Variants in LIMCH1 observed in about 807,000 individuals in gnomAD.
LIMCH1 encodes LIM and calponin homology domains 1, also known as LIM and calponin homology domains-containing protein 1.
LIMCH1 carries 113 observed loss-of-function variants against 176.5 expected under a neutral mutation model. That is an observed-to-expected ratio of 0.64 (90% CI 0.55 to 0.75). The LOEUF (loss-of-function observed/expected upper bound fraction) is 0.75, where lower values mean the gene tolerates loss of function less well. Among genes scored for constraint, LIMCH1 ranks in the 30% least tolerant of loss-of-function variants. The pLI, the probability that LIMCH1 is intolerant of heterozygous loss-of-function variation, is 0.00. For synonymous variants in LIMCH1, 619 were observed against 645.9 expected (o/e 0.96, Z 0.63); for missense variants, 1,674 against 1,814.9 (o/e 0.92, Z 1.41).
At chr4:41,541,031 G>T (rs1472957298) in intron 1 of LIMCH1, among the ~76,000 whole-genome samples, 1 of 152,196 alleles carries the variant, frequency 6.6e-6, no homozygotes, top group East Asian at 1.9e-4. Flanking sequence ...AGTAGGGAGA[G>T]ATTTGTGTGT....
intron 1 of LIMCH1, among the ~76,000 whole-genome samples, chr4:41,438,833 G>A (rs1052418787): frequency 3.3e-5 from 5 of 152,164 alleles, no homozygotes; most frequent in Admixed American, 1.3e-4. Context: ...TTTACATCTT[G>A]CTCAGCAAGA....
intron 1 of LIMCH1, among the ~76,000 whole-genome samples, chr4:41,366,135 A>G (rs1028383027): frequency 3.3e-5 from 5 of 152,222 alleles, no homozygotes; most frequent in African/African-American, 4.8e-5. Context: ...GCTTAAAAGC[A>G]TCATAGTTGG....
At chr4:41,695,289 T>G (rs1689421976) in intron 31 of LIMCH1, among the ~76,000 whole-genome samples, 1 of 151,380 alleles carries the variant, frequency 6.6e-6, no homozygotes, top group South Asian at 2.1e-4. Flanking sequence ...TCATTTAAAG[T>G]GTATAAATAA....
At chr4:41,541,341 C>G (rs181931956) in intron 1 of LIMCH1, among the ~76,000 whole-genome samples, 42 of 152,294 alleles carry the variant, frequency 2.8e-4, no homozygotes, top group African/African-American at 9.6e-4. Context: ...CTTTTCAGCT[C>G]TGGGTACTGC....
Position 41,646,560 on chromosome 4 carries a change from A to G in LIMCH1, c.2487A>G (p.Gln829=), listed in dbSNP as rs760114975. The part of the protein sequence containing the change: ...RSQEEAEGIL[Q]QYIERFTISE... ...AGGAGGAGGCAGAGGGGATCCTTCAACAGTACATTGAGAGGTTCACCATCA... is the reference window on the plus strand; with the variant it reads ...AGGAGGAGGCAGAGGGGATCCTTCAGCAGTACATTGAGAGGTTCACCATCA... The change falls in exon 17 of 32, where the codon CAA becomes CAG. Residue 829 remains glutamine, a synonymous_variant. Transcript: ENST00000503057. The G allele has an allele frequency of 1.2e-6, 2 of 1,614,196 alleles. No individual in the cohort carries two copies. The highest frequency in any genetic ancestry group is 1.1e-5 in the South Asian group (1 of 91,078).
At position 41,671,280 on chromosome 4, in the gene LIMCH1, G is replaced by T. The variant is rs1394745403; in HGVS notation, c.3398-274G>T. Among the ~76,000 whole-genome samples, 6 of 152,032 alleles carry T rather than the reference G, an allele frequency of 3.9e-5. No individual in the cohort carries two copies. The East Asian group carries it at 1.2e-3, about 29-fold the overall frequency. On this transcript the variant is annotated intron_variant, in intron 21 of 31. Transcript: ENST00000503057. ...TTTGCTTCCTGTAGTCTAGTACCTG[G>T]TGTTAATTGATGTGATCAATCATTT...
chr4:41,629,636 T>C lies in LIMCH1; in HGVS notation c.1173T>C (p.Leu391=), dbSNP rs1585060810. The C allele has an allele frequency of 3.3e-6, 5 of 1,536,020 alleles. No homozygotes were observed. In the East Asian group the frequency reaches 1.2e-4, roughly 38 times the overall value. The change falls in exon 9 of 32, where the codon CTT becomes CTC. Residue 391 remains leucine, a synonymous_variant. Coordinates refer to ENST00000503057, the MANE Select transcript of LIMCH1 (RefSeq NM_001330672.2). ...CCCAGCAGAGAATTCAGGGCAGCCTTGCCCCTCACCGCGAGCCCCCGAGCT... is the reference window on the plus strand; with the variant it reads ...CCCAGCAGAGAATTCAGGGCAGCCTCGCCCCTCACCGCGAGCCCCCGAGCT... ...DLAQQRIQGS[L]APHREPPSFI...
intron 1 of LIMCH1, among the ~76,000 whole-genome samples, chr4:41,405,540 G>T (rs368382467): frequency 1.6e-4 from 24 of 152,138 alleles, no homozygotes; most frequent in Admixed American, 4.6e-4. Context: ...TTATAATGTG[G>T]TTCTGCAGTT....
rs1035138768 is a variant in LIMCH1 at position 41,472,999 on chromosome 4, C to T, written c.97-21537C>T. On this transcript the variant is annotated intron_variant, in intron 1 of 26. Transcript: ENST00000313860. ...GTAAGCCTTTTTTTTTTTTTCTCCT[C>T]GGTAGGCCAGAGAATAAATGCGAAG... The T allele has an allele frequency of 2.2e-4, 220 of 979,038 alleles. 1 individual carries two copies. Among genetic ancestry groups the T allele is most frequent in the South Asian group, 4.3e-4 (9 of 21,080 alleles). The allele number at this position is 979,038 out of a possible 1,614,324, so 60.6% of individuals were successfully genotyped here.
chr4:41,597,277 T>C (rs1393934694), intron 1 of LIMCH1, among the ~76,000 whole-genome samples: 1 of 152,188 alleles, frequency 6.6e-6, no homozygotes, highest in African/African-American at 2.4e-5. Flanking sequence ...TTAATTGTTC[T>C]GTGCCTTAGA....
intron 1 of LIMCH1, among the ~76,000 whole-genome samples, chr4:41,400,125 G>A (rs1000521713): frequency 3.3e-5 from 5 of 151,614 alleles, no homozygotes; most frequent in South Asian, 4.2e-4. Context: ...TGCCCCTAAC[G>A]GCTATCCTAT....
chr4:41,360,033 G>A (rs2051796705), upstream of LIMCH1, among the ~76,000 whole-genome samples: 2 of 148,692 alleles, frequency 1.3e-5, no homozygotes, highest in African/African-American at 2.6e-5. This position sits in a 1 kb window ranked among gnomAD's most constrained non-coding sequence, Gnocchi z 4.5. Flanking sequence ...TAGGGTGTGT[G>A]TGTGTGTGTG....
At chr4:41,483,504 A>T (rs2154168752) in intron 1 of LIMCH1, among the ~76,000 whole-genome samples, 1 of 151,684 alleles carries the variant, frequency 6.6e-6, no homozygotes, top group South Asian at 2.1e-4. Context: ...TTACCAAAGA[A>T]CTCCTCCCCT....
intron 1 of LIMCH1, among the ~76,000 whole-genome samples, chr4:41,543,101 G>A (rs7664959): frequency 0.021 from 3,254 of 152,248 alleles, 120 homozygotes; most frequent in African/African-American, 0.074. Context: ...AGAAGGTAAC[G>A]CATGGAACTA....
At chr4:41,599,550 G>A (rs1340187594) in intron 2 of LIMCH1, among the ~76,000 whole-genome samples, 1 of 152,196 alleles carries the variant, frequency 6.6e-6, no homozygotes, top group African/African-American at 2.4e-5. Context: ...CCCTGTTTGG[G>A]CCAAATAATT....
At chr4:41,528,118 A>C (rs1346079497) in intron 3 of LIMCH1, among the ~76,000 whole-genome samples, 1 of 143,384 alleles carries the variant, frequency 7.0e-6, no homozygotes, top group African/African-American at 2.9e-5. Context: ...AGTATTTTGA[A>C]ATGAAATGTC....
chr4:41,539,789 G>A (rs1182554771), intron 1 of LIMCH1, among the ~76,000 whole-genome samples: 5 of 152,162 alleles, frequency 3.3e-5, no homozygotes, highest in African/African-American at 1.2e-4. Context: ...TCACTCTTGA[G>A]TTTCCTTTTC....
At chr4:41,560,005 A>G (rs1479769074) in intron 1 of LIMCH1, among the ~76,000 whole-genome samples, 2 of 152,090 alleles carry the variant, frequency 1.3e-5, no homozygotes, top group Non-Finnish European at 2.9e-5. Flanking sequence ...TCCAAGTACT[A>G]CCTAGACTTC....
rs551104917 is a variant in LIMCH1 at position 41,669,629 on chromosome 4, C to T, written c.3398-1925C>T. ...GCCTCAAGTATTTATTTAAATTGTGCACCAAAAATATCACTGATTGATATG... is the reference window on the plus strand; with the variant it reads ...GCCTCAAGTATTTATTTAAATTGTGTACCAAAAATATCACTGATTGATATG... On this transcript the variant is annotated intron_variant, in intron 21 of 31. Transcript: ENST00000503057. Among the ~76,000 whole-genome samples the T allele has an allele frequency of 1.8e-4, 27 of 152,292 alleles. No individual in the cohort carries two copies. The South Asian group carries it at 5.4e-3, about 30-fold the overall frequency.
Sources: gnomAD v4.1 joint callset for allele counts (sites outside exome capture counted in the v4.1 genomes callset) on GRCh38, gnomAD v4.1.1 for gene constraint, Gnocchi (gnomAD v3.1) non-coding constraint, MANE v1.5 for transcripts, NCBI Gene and HGNC (gene_info 2026-07-23, HGNC 2026-07-21) for gene names.